Variants in SORCS3 observed in about 807,000 individuals in gnomAD.
The protein encoded by SORCS3 is VPS10 domain-containing receptor SorCS3.
In SORCS3, 57 loss-of-function variants were observed where a neutral mutation model predicts 146.3. The ratio of observed to expected loss-of-function variants is 0.39; its 90% CI spans 0.31 to 0.49. The LOEUF is 0.49. SORCS3 is among the 20% of genes least tolerant of loss of function. The pLI, the probability that SORCS3 is intolerant of heterozygous loss-of-function variation, is 0.92. For missense variants in SORCS3, 1,341 were observed against 1,575.5 expected (o/e 0.85, Z 2.52); for synonymous variants, 653 against 618.5 (o/e 1.06, Z -0.83).
chr10:105,221,873 T>C (rs2056704613), intron 19 of SORCS3, among the ~76,000 whole-genome samples: 1 of 151,896 alleles, frequency 6.6e-6, no homozygotes. Flanking sequence ...CATATTTTAG[T>C]TGGATTTGTT....
chr10:105,217,190 C>T (rs1158364901), intron 19 of SORCS3, 68 bp downstream of exon 19: 1 of 1,535,330 alleles, frequency 6.5e-7, no homozygotes, highest in Non-Finnish European at 8.9e-7. Context: ...TTCAGACTTC[C>T]TAAAATTCAG....
At chr10:105,117,375 A>G (rs1379773443) in intron 7 of SORCS3, among the ~76,000 whole-genome samples, 1 of 152,162 alleles carries the variant, frequency 6.6e-6, no homozygotes, top group African/African-American at 2.4e-5. Context: ...GATCCCTGCT[A>G]TGTATCCAGT....
At chr10:104,709,277 A>G (rs1374029026) in intron 1 of SORCS3, among the ~76,000 whole-genome samples, 1 of 152,070 alleles carries the variant, frequency 6.6e-6, no homozygotes, top group African/African-American at 2.4e-5. Context: ...CATCTCCTGG[A>G]GATCCTTCCA....
intron 4 of SORCS3, among the ~76,000 whole-genome samples, chr10:104,982,053 G>T (rs1387541325): frequency 1.3e-5 from 2 of 152,142 alleles, no homozygotes; most frequent in African/African-American, 4.8e-5. Context: ...ATTAATAGTT[G>T]GGGAGTGGGC....
At chr10:105,092,608 AACACAC>A (rs61665816) in intron 6 of SORCS3, among the ~76,000 whole-genome samples, 16 of 147,372 alleles carry the variant, frequency 1.1e-4, no homozygotes, top group African/African-American at 2.0e-4. Flanking sequence ...TGCATTCACA[AACACAC>A]ACACACACAC....
intron 20 of SORCS3, among the ~76,000 whole-genome samples, chr10:105,225,776 T>C (rs142572264): frequency 1.3e-5 from 2 of 152,188 alleles, no homozygotes; most frequent in East Asian, 3.9e-4. Flanking sequence ...TAGTTTTTCC[T>C]ACATGGATCT....
At chr10:105,197,038 C>A (rs1410429867) in intron 14 of SORCS3, among the ~76,000 whole-genome samples, 4 of 152,062 alleles carry the variant, frequency 2.6e-5, no homozygotes, top group Non-Finnish European at 5.9e-5. Context: ...CTTCACATGG[C>A]CTTCTCCTCA....
chr10:104,718,545 G>C (rs1474748770), intron 1 of SORCS3, among the ~76,000 whole-genome samples: 1 of 152,154 alleles, frequency 6.6e-6, no homozygotes, highest in Non-Finnish European at 1.5e-5. Context: ...TTTGTGTAGG[G>C]GGGTGCCTCT....
chr10:105,205,151 G>T (rs1042579992), intron 16 of SORCS3, among the ~76,000 whole-genome samples: 14 of 152,166 alleles, frequency 9.2e-5, no homozygotes, highest in African/African-American at 3.1e-4. Flanking sequence ...ACAGCAGAGA[G>T]AGGGTATCAC....
At chr10:104,671,138 T>G (rs922394179) in intron 1 of SORCS3, among the ~76,000 whole-genome samples, 2 of 151,800 alleles carry the variant, frequency 1.3e-5, no homozygotes, top group African/African-American at 2.4e-5. Flanking sequence ...GCCTTTTTTT[T>G]TTCTTGCCGA....
intron 1 of SORCS3, among the ~76,000 whole-genome samples, chr10:104,748,128 C>T (rs1333488742): frequency 6.6e-6 from 1 of 152,182 alleles, no homozygotes; most frequent in Non-Finnish European, 1.5e-5. Flanking sequence ...TCTGTTTTGG[C>T]AAATTCTGGC....
chr10:105,208,672 C>G (rs2056616441), intron 16 of SORCS3, among the ~76,000 whole-genome samples: 1 of 149,918 alleles, frequency 6.7e-6, no homozygotes, highest in Non-Finnish European at 1.5e-5. Context: ...ATATAGCAAT[C>G]AAGAATGTAT....
intron 4 of SORCS3, among the ~76,000 whole-genome samples, chr10:104,983,622 G>A (rs2054944702): frequency 2.0e-5 from 3 of 152,086 alleles, no homozygotes; most frequent in Admixed American, 2.0e-4. Flanking sequence ...CTGCCTCTAT[G>A]AGCTGACCTT....
At chr10:104,735,155 C>T (rs773683194) in intron 1 of SORCS3, among the ~76,000 whole-genome samples, 3 of 152,278 alleles carry the variant, frequency 2.0e-5, no homozygotes, top group Middle Eastern at 6.8e-3. Flanking sequence ...TTGCCTTTCA[C>T]GTGGCTCTCC....
chr10:105,207,259 T>C (rs2056607607), intron 16 of SORCS3, among the ~76,000 whole-genome samples: 1 of 144,348 alleles, frequency 6.9e-6, no homozygotes, highest in Non-Finnish European at 1.5e-5. Flanking sequence ...CTTCCTATTT[T>C]GGCATGCAGA....
Position 105,121,095 on chromosome 10 carries a change from C to G in SORCS3, c.1212+15580C>G, listed in dbSNP as rs1404183191. 1.3e-5 allele frequency among the ~76,000 whole-genome samples: 2 copies of G among 152,152 alleles called. 1 individual carries two copies. The highest frequency in any genetic ancestry group is 4.8e-5 in the African/African-American group (2 of 41,426). ...TATCATCAGCTCAAAGGAGTGAGAT[C>G]AGCTATACACTCTCAATCTCTTTCA... On this transcript the variant is annotated intron_variant, in intron 7 of 26. Coordinates refer to ENST00000369701, the MANE Select transcript of SORCS3 (RefSeq NM_014978.3).
At chr10:105,061,295 CTTTT>C (rs34217607) in intron 5 of SORCS3, among the ~76,000 whole-genome samples, 13 of 118,440 alleles carry the variant, frequency 1.1e-4, no homozygotes, top group Non-Finnish European at 1.2e-4. Flanking sequence ...AGTGGTGTTC[CTTTT>C]TTTTTTTTTT....
chr10:105,089,340 C>A (rs875909), intron 5 of SORCS3, among the ~76,000 whole-genome samples: 3,394 of 152,168 alleles, frequency 0.022, 104 homozygotes, highest in East Asian at 0.16. Flanking sequence ...TGTTCCCCAT[C>A]GGGTAGAACA....
chr10:105,071,160 A>G (rs1194788485), intron 5 of SORCS3, among the ~76,000 whole-genome samples: 5 of 151,644 alleles, frequency 3.3e-5, no homozygotes, highest in Admixed American at 6.6e-5. Context: ...ATCAGTCAGC[A>G]TCATTCCTCT....
Sources: gnomAD v4.1 joint callset for allele counts (sites outside exome capture counted in the v4.1 genomes callset) on GRCh38, gnomAD v4.1.1 for gene constraint, MANE v1.5 for transcripts, NCBI Gene and HGNC (gene_info 2026-07-23, HGNC 2026-07-21) for gene names.